Variants in WDR41 observed in about 807,000 individuals in gnomAD.
WDR41 encodes the protein WD repeat-containing protein 41.
WDR41 carries 63 observed loss-of-function variants against 69.3 expected under a neutral mutation model. The ratio of observed to expected loss-of-function variants is 0.91; its 90% CI spans 0.74 to 1.12. WDR41 has a LOEUF of 1.12. WDR41 is among the 50% of genes most tolerant of loss of function. The pLI is 0.00. For missense variants in WDR41, 543 were observed against 534.5 expected (o/e 1.02, Z -0.16); for synonymous variants, 185 against 192.1 (o/e 0.96, Z 0.31).
intron 1 of WDR41, among the ~76,000 whole-genome samples, chr5:77,554,531 A>T (rs2112246368): frequency 6.6e-6 from 1 of 152,138 alleles, no homozygotes; most frequent in South Asian, 2.1e-4. Flanking sequence ...CCTCTCCAGA[A>T]ACTGAATCTG....
At chr5:77,600,714 T>C (rs1455634074) in intron 1 of WDR41, among the ~76,000 whole-genome samples, 1 of 152,056 alleles carries the variant, frequency 6.6e-6, no homozygotes, top group Non-Finnish European at 1.5e-5. Flanking sequence ...ACCCCGTCTC[T>C]ACTAAAAATA....
chr5:77,518,180 A>ATT (rs5868871), intron 1 of WDR41, among the ~76,000 whole-genome samples: 1 of 151,758 alleles, frequency 6.6e-6, no homozygotes, highest in African/African-American at 2.4e-5. Context: ...AGTATATGGG[A>ATT]TTTTTTTTGT....
chr5:77,542,402 G>A (rs1459739968), intron 1 of WDR41, among the ~76,000 whole-genome samples: 2 of 152,104 alleles, frequency 1.3e-5, no homozygotes, highest in Non-Finnish European at 2.9e-5. Flanking sequence ...TAACAAACAT[G>A]AACATCCTGC....
intron 1 of WDR41, among the ~76,000 whole-genome samples, chr5:77,579,036 G>A (rs910950360): frequency 6.6e-6 from 1 of 151,814 alleles, no homozygotes; most frequent in Non-Finnish European, 1.5e-5. Context: ...TTCCATAATA[G>A]ATTTGAACTG....
At chr5:77,452,647 A>G (rs903004247) in intron 6 of WDR41, 1 of 152,208 alleles carries the variant, frequency 6.6e-6, no homozygotes, top group Non-Finnish European at 1.5e-5. Flanking sequence ...GAAAACCCAA[A>G]TGATGAACAG....
At chr5:77,490,746 G>A (rs1801738603) in intron 1 of WDR41, among the ~76,000 whole-genome samples, 1 of 152,114 alleles carries the variant, frequency 6.6e-6, no homozygotes, top group Admixed American at 6.5e-5. Context: ...CAAATAACAT[G>A]ATTAACCAAA....
intron 5 of WDR41, among the ~76,000 whole-genome samples, chr5:77,457,770 A>G (rs549277844): frequency 1.1e-4 from 17 of 152,166 alleles, no homozygotes; most frequent in African/African-American, 4.1e-4. Flanking sequence ...TATCTATTCA[A>G]GAACAACTGA....
chr5:77,538,404 T>G (rs1305333671), intron 1 of WDR41, among the ~76,000 whole-genome samples: 1 of 152,200 alleles, frequency 6.6e-6, no homozygotes, highest in Non-Finnish European at 1.5e-5. Flanking sequence ...ACTCAGGTAG[T>G]GAGCATAATA....
intron 1 of WDR41, among the ~76,000 whole-genome samples, chr5:77,610,290 A>C (rs1182554943): frequency 6.6e-6 from 1 of 152,240 alleles, no homozygotes; most frequent in Non-Finnish European, 1.5e-5. Context: ...GTTCAGATTC[A>C]GGAAATACAG....
At chr5:77,468,875 G>A (rs1395042236) in intron 2 of WDR41, among the ~76,000 whole-genome samples, 4 of 151,978 alleles carry the variant, frequency 2.6e-5, no homozygotes, top group Non-Finnish European at 4.4e-5. Context: ...TCTAAATAAG[G>A]TCTATATAGC....
intron 5 of WDR41, among the ~76,000 whole-genome samples, chr5:77,455,750 C>A (rs758315205): frequency 6.6e-6 from 1 of 152,180 alleles, no homozygotes; most frequent in Non-Finnish European, 1.5e-5. Context: ...GTCAAAAAAT[C>A]AGTTGGCTAT....
intron 1 of WDR41, among the ~76,000 whole-genome samples, chr5:77,603,221 C>A (rs1468544351): frequency 6.6e-6 from 1 of 152,188 alleles, no homozygotes; most frequent in Non-Finnish European, 1.5e-5. Context: ...CAGGCATGAG[C>A]CACTGCGCCC....
At chr5:77,502,914 G>A (rs1802042437) in intron 1 of WDR41, among the ~76,000 whole-genome samples, 1 of 152,096 alleles carries the variant, frequency 6.6e-6, no homozygotes, top group Non-Finnish European at 1.5e-5. Context: ...GCAAAAACAT[G>A]CCAAATTGTA....
At chr5:77,496,217 T>C (rs952169565), upstream of WDR41, among the ~76,000 whole-genome samples, 2 of 152,058 alleles carry the variant, frequency 1.3e-5, no homozygotes, top group Non-Finnish European at 2.9e-5. Context: ...AAAAGAAAGA[T>C]GTCCTCTTTG....
At position 77,440,885 on chromosome 5, in the gene WDR41, G is replaced by T. The variant is rs751358720; in HGVS notation, c.810C>A (p.Asp270Glu). Residue 270 changes from aspartate to glutamate, a missense_variant, in exon 9 of 13, where the codon GAC becomes GAA. Asp to Glu is a conservative substitution (Grantham distance 45). Coordinates refer to ENST00000296679, the MANE Select transcript of WDR41 (RefSeq NM_018268.4). ...GACAGAGTTTTATTTCTTGTTGGGT[G>T]TCCAGTTGTGGAGATGGGTCCCAGA... ...RNFWDPSPQL[D>E]TQQEIKLCQK... The T allele has an allele frequency of 6.2e-7, 1 of 1,614,174 alleles. No individual in the cohort carries two copies. Among genetic ancestry groups the T allele is most frequent in the Admixed American group, 1.7e-5 (1 of 60,028 alleles).
intron 8 of WDR41, among the ~76,000 whole-genome samples, chr5:77,445,290 C>T (rs1799335393): frequency 6.6e-6 from 1 of 152,114 alleles, no homozygotes; most frequent in Admixed American, 6.5e-5. Flanking sequence ...TAATTAATAG[C>T]CTACCAACCA....
intron 5 of WDR41, among the ~76,000 whole-genome samples, chr5:77,457,932 T>G (rs1799897936): frequency 6.6e-6 from 1 of 152,102 alleles, no homozygotes; most frequent in Non-Finnish European, 1.5e-5. Flanking sequence ...AATAAGATAC[T>G]TTTTTAGTGA....
intron 1 of WDR41, among the ~76,000 whole-genome samples, chr5:77,584,296 A>G (rs1743997169): frequency 6.6e-6 from 1 of 152,172 alleles, no homozygotes; most frequent in South Asian, 2.1e-4. Context: ...AAAAAGTAAA[A>G]TTATCTTTAT....
chr5:77,440,853 G>A lies in WDR41; in HGVS notation c.842C>T (p.Ser281Leu). 6.2e-7 allele frequency: 1 copy of A among 1,614,124 alleles called. No individual in the cohort carries two copies. The highest frequency in any genetic ancestry group is 1.1e-5 in the South Asian group (1 of 91,082). ...TQQEIKLCQK[S>L]NDISIHHFTC... ...GAAATGATGAATAGAAATGTCATTT[G>A]ATTTTTGACAGAGTTTTATTTCTTG... The change falls in exon 9 of 13, where the codon TCA becomes TTA. Residue 281 changes from serine (S) to leucine (L), a missense_variant. Transcript: ENST00000296679.
Sources: gnomAD v4.1 joint callset for allele counts (sites outside exome capture counted in the v4.1 genomes callset) on GRCh38, gnomAD v4.1.1 for gene constraint, MANE v1.5 for transcripts, NCBI Gene and HGNC (gene_info 2026-07-23, HGNC 2026-07-21) for gene names.